Variants in PCDHGB4 observed in about 807,000 individuals in gnomAD.
PCDHGB4 encodes the protein protocadherin gamma-B4.
PCDHGB4 carries 38 observed loss-of-function variants against 60.5 expected under a neutral mutation model. The ratio of observed to expected loss-of-function variants is 0.63; its 90% CI spans 0.48 to 0.82. The LOEUF is 0.82. Among genes scored for constraint, PCDHGB4 ranks in the 40% least tolerant of loss-of-function variants. The pLI is 0.00. For synonymous variants in PCDHGB4, 456 were observed against 509.7 expected (o/e 0.89, Z 1.42); for missense variants, 1,109 against 1,209.6 (o/e 0.92, Z 1.23).
chr5:141,472,980 CA>C (rs60579131), intron 1 of PCDHGB4, among the ~76,000 whole-genome samples: 39,687 of 85,940 alleles, frequency 0.46, 5,633 homozygotes, highest in African/African-American at 0.56. Flanking sequence ...GAGTGAAACT[CA>C]AAAAAAAAAA....
At chr5:141,481,913 CAAA>C (rs34114744) in intron 1 of PCDHGB4, among the ~76,000 whole-genome samples, 50 of 90,788 alleles carry the variant, frequency 5.5e-4, no homozygotes, top group African/African-American at 7.1e-4. Flanking sequence ...AACTCCATCT[CAAA>C]AAAAAAAAAA....
At chr5:141,478,050 C>G (rs2099429383) in intron 1 of PCDHGB4, 2 of 1,614,184 alleles carry the variant, frequency 1.2e-6, no homozygotes, top group South Asian at 2.2e-5. Context: ...CAGACTCTCA[C>G]GGTCTTGATC....
intron 1 of PCDHGB4, chr5:141,423,222 G>A (rs760308436): frequency 1.2e-6 from 2 of 1,613,688 alleles, no homozygotes; most frequent in Non-Finnish European, 1.7e-6. Context: ...CCGTGGCTGT[G>A]GCCGACAGCA....
chr5:141,414,348 G>A (rs1390188717), intron 1 of PCDHGB4: 1 of 1,613,818 alleles, frequency 6.2e-7, no homozygotes, highest in South Asian at 1.1e-5. Flanking sequence ...GTTCCATTTT[G>A]GCGTATCTAC....
chr5:141,415,529 G>C, intron 1 of PCDHGB4: 1 of 1,614,184 alleles, frequency 6.2e-7, no homozygotes, highest in South Asian at 1.1e-5. Context: ...ACGCTCATCA[G>C]CCAGGAGAGC....
intron 2 of PCDHGB4, among the ~76,000 whole-genome samples, chr5:141,496,955 G>T (rs2099772887): frequency 6.6e-6 from 1 of 152,006 alleles, no homozygotes; most frequent in African/African-American, 2.4e-5. Context: ...GGAGGCCAAG[G>T]TGGGTAGATC....
chr5:141,470,577 C>T (rs75062402), intron 1 of PCDHGB4, among the ~76,000 whole-genome samples: 8,307 of 152,270 alleles, frequency 0.055, 479 homozygotes, highest in African/African-American at 0.15. Flanking sequence ...GCAGGATCAA[C>T]TTCATAGGCA....
rs754420674 is a variant in PCDHGB4, at chr5:141,389,791, TC to T, written c.1909del (p.Arg637AlafsTer54). 1 of 1,613,408 alleles carries T rather than the reference TC, an allele frequency of 6.2e-7. No homozygotes were observed. Among genetic ancestry groups the T allele is most frequent in the Non-Finnish European group, 8.5e-7 (1 of 1,179,784 alleles). On this transcript the variant is annotated frameshift_variant, in exon 1 of 4. Coordinates refer to ENST00000519479, the MANE Select transcript of PCDHGB4 (RefSeq NM_003736.4). LOFTEE classifies it high-confidence loss of function. ...TARALGDRDAVRQRLLVAVRD... is the reference protein window; with the variant it reads ...TARALGDRDAXRQRLLVAVRD... ...CGTGCCTTAGGCGACAGGGACGCCG[TC>T]CGCCAGCGCCTTCTGGTCGCCGTGC...
At chr5:141,430,628 C>A in intron 1 of PCDHGB4, 2 of 798,952 alleles carry the variant, frequency 2.5e-6, no homozygotes, top group Non-Finnish European at 3.7e-6. Context: ...TAGGAATGAA[C>A]CATCCCTGGG....
chr5:141,445,537 G>A (rs1266179512), intron 1 of PCDHGB4, among the ~76,000 whole-genome samples: 1 of 152,182 alleles, frequency 6.6e-6, no homozygotes, highest in African/African-American at 2.4e-5. Flanking sequence ...AAGCCAACAA[G>A]GAGAAATACA....
chr5:141,423,095 A>ACG (rs2096709208), intron 1 of PCDHGB4: 4 of 1,613,860 alleles, frequency 2.5e-6, no homozygotes, highest in African/African-American at 2.7e-5. Flanking sequence ...GTGGGGGAGC[A>ACG]CACGGGCGAG....
At chr5:141,426,779 T>G in intron 1 of PCDHGB4, 6 of 456,698 alleles carry the variant, frequency 1.3e-5, no homozygotes, top group Non-Finnish European at 1.8e-5. Context: ...GGCCTCACTC[T>G]CTCCAGAGTT....
chr5:141,477,710 GA>G lies in PCDHGB4; in HGVS notation c.2398-17095del. ...GCCCCTAGACTATGAGGATCGGCGG[GA>G]ATTTGAATTAACAGCTCATATCAGC... On this transcript the variant is annotated intron_variant, in intron 1 of 3. Coordinates refer to ENST00000519479, the MANE Select transcript of PCDHGB4 (RefSeq NM_003736.4). This position sits in a 1 kb window ranked among gnomAD's most constrained non-coding sequence, Gnocchi z 4.9. 2 of 1,613,918 alleles carry G rather than the reference GA, an allele frequency of 1.2e-6. No individual in the cohort carries two copies. Among genetic ancestry groups the G allele is most frequent in the Non-Finnish European group, 1.7e-6 (2 of 1,180,044 alleles).
chr5:141,446,260 TA>T (rs1207497940), intron 1 of PCDHGB4, among the ~76,000 whole-genome samples: 4 of 152,130 alleles, frequency 2.6e-5, no homozygotes, highest in Non-Finnish European at 4.4e-5. Context: ...GAAATATTAT[TA>T]ACTGAATAAA....
At position 141,486,209 on chromosome 5, in the gene PCDHGB4, A is replaced by G. The variant is rs749965379; in HGVS notation, c.2398-8598A>G. 1.2e-6 allele frequency: 2 copies of G among 1,614,080 alleles called. No homozygotes were observed. The highest frequency in any genetic ancestry group is 1.7e-6 in the Non-Finnish European group (2 of 1,179,988). ...AGTGGATCTGCTGGACGTAAATGAC[A>G]ATGCCCCTTACATCACAGTGACCTC... On this transcript the variant is annotated intron_variant, in intron 1 of 3. Transcript: ENST00000519479. The surrounding 1 kb of genome is among the most constrained non-coding windows in gnomAD (Gnocchi z 5.0).
intron 1 of PCDHGB4, among the ~76,000 whole-genome samples, chr5:141,401,338 A>G (rs2094142012): frequency 6.6e-6 from 1 of 152,186 alleles, no homozygotes; most frequent in Non-Finnish European, 1.5e-5. Flanking sequence ...GCAAAACTCC[A>G]TCTCAAAAAA....
intron 1 of PCDHGB4, chr5:141,402,911 C>T: frequency 1.3e-6 from 2 of 1,551,976 alleles, no homozygotes; most frequent in South Asian, 1.2e-5. Context: ...TGAAGCAGCG[C>T]GCACAGAGAT....
At chr5:141,399,837 C>T in intron 1 of PCDHGB4, 4 of 1,613,130 alleles carry the variant, frequency 2.5e-6, no homozygotes, top group Non-Finnish European at 3.4e-6. Context: ...GCTCTGCGCT[C>T]TTCGATATGG....
At chr5:141,467,050 G>T (rs6580189) in intron 1 of PCDHGB4, among the ~76,000 whole-genome samples, 42,616 of 146,752 alleles carry the variant, frequency 0.29, 6,868 homozygotes, top group African/African-American at 0.45. Flanking sequence ...ATGAATCAAT[G>T]TTTTCTTTTT....
Sources: gnomAD v4.1 joint callset for allele counts (sites outside exome capture counted in the v4.1 genomes callset) on GRCh38, gnomAD v4.1.1 for gene constraint, Gnocchi (gnomAD v3.1) non-coding constraint, MANE v1.5 for transcripts, NCBI Gene and HGNC (gene_info 2026-07-23, HGNC 2026-07-21) for gene names.